Variants in ABHD2 observed in about 807,000 individuals in gnomAD.
ABHD2 encodes abhydrolase domain containing 2, acylglycerol lipase, also known as monoacylglycerol lipase ABHD2.
ABHD2 carries 20 observed loss-of-function variants against 48.1 expected under a neutral mutation model. The observed-to-expected ratio is 0.42, with a 90% CI of 0.29 to 0.60. The LOEUF (loss-of-function observed/expected upper bound fraction) is 0.60. Among genes scored for constraint, ABHD2 ranks in the 20% least tolerant of loss-of-function variants. The pLI, the probability that ABHD2 is intolerant of heterozygous loss-of-function variation, is 0.24. For missense variants in ABHD2, 405 were observed against 550.9 expected, an observed-to-expected ratio of 0.74 and a Z score of 2.65; for synonymous variants, 209 against 214.2, an observed-to-expected ratio of 0.98 and a Z score of 0.21.
At position 89,185,008 on chromosome 15, in the gene ABHD2, C is replaced by T. The variant is rs1026523635; in HGVS notation, c.723-416C>T. Among the ~76,000 whole-genome samples, 3 of 152,236 alleles carry T rather than the reference C, an allele frequency of 2.0e-5. No individual in the cohort carries two copies. Among genetic ancestry groups the T allele is most frequent in the Non-Finnish European group, 4.4e-5 (3 of 68,052 alleles). On this transcript the variant is annotated intron_variant, in intron 6 of 10. Transcript: ENST00000352732. This position sits in a 1 kb window ranked among gnomAD's most constrained non-coding sequence, Gnocchi z 5.9. ...TTTTTTAGGTTTTCCCCTCCACACCCACTCTCCCGTTCCATGTGCCAGTCA... is the reference window on the plus strand; with the variant it reads ...TTTTTTAGGTTTTCCCCTCCACACCTACTCTCCCGTTCCATGTGCCAGTCA...
At chr15:89,068,206 AC>A in the ABHD2 span, among the ~76,000 whole-genome samples, 1 of 151,914 alleles carries the variant, frequency 6.6e-6, no homozygotes, top group East Asian at 1.9e-4. Context: ...GCACACACAC[AC>A]ACACACACAC....
chr15:89,096,005 A>G (rs1164072497), intron 1 of ABHD2, among the ~76,000 whole-genome samples: 1 of 152,236 alleles, frequency 6.6e-6, no homozygotes, highest in African/African-American at 2.4e-5. Flanking sequence ...TTCGCGCAGA[A>G]AAGATATGAG....
chr15:89,176,093 C>A lies in ABHD2; in HGVS notation c.722+98C>A. 2 of 1,272,322 alleles carry A rather than the reference C, an allele frequency of 1.6e-6. No homozygotes were observed. Among genetic ancestry groups the A allele is most frequent in the Non-Finnish European group, 2.2e-6 (2 of 927,320 alleles). The allele number at this position is 1,272,322 out of a possible 1,614,324, so 78.8% of individuals were successfully genotyped here. A position where few individuals can be genotyped will look rare whatever the true frequency, so the allele number is the denominator to read the frequency against. ...ACTGTTCTGTGAAGACCGGGGAACA[C>A]TGTGGCCGACTGAGTAGAAGTTTCT... On this transcript the variant is annotated intron_variant, in intron 6 of 10. Coordinates refer to ENST00000352732, the MANE Select transcript of ABHD2 (RefSeq NM_152924.5). The surrounding 1 kb of genome is among the most constrained non-coding windows in gnomAD (Gnocchi z 4.5).
Position 89,168,840 on chromosome 15 carries a change from G to A in ABHD2, c.539-6972G>A, listed in dbSNP as rs930180010. ...TAATCTCAGCACTTTGGGAAAGGAA[G>A]CCAAGGTGGGCAGACCTCTTGAGCT... On this transcript the variant is annotated intron_variant, in intron 5 of 10. Coordinates refer to ENST00000352732, the MANE Select transcript of ABHD2 (RefSeq NM_152924.5). The surrounding 1 kb of genome is among the most constrained non-coding windows in gnomAD (Gnocchi z 4.8). Among the ~76,000 whole-genome samples, 2 of 152,202 alleles carry A rather than the reference G, an allele frequency of 1.3e-5. No homozygotes were observed. Among genetic ancestry groups the A allele is most frequent in the Admixed American group, 6.5e-5 (1 of 15,280 alleles).
chr15:89,068,962 T>G, the ABHD2 span, among the ~76,000 whole-genome samples: 1 of 151,070 alleles, frequency 6.6e-6, no homozygotes, highest in Admixed American at 6.6e-5. Flanking sequence ...AGAAATGGGG[T>G]TTCACCATAT....
chr15:89,190,450 C>A (rs1412841797), intron 8 of ABHD2, among the ~76,000 whole-genome samples: 1 of 152,022 alleles, frequency 6.6e-6, no homozygotes, highest in African/African-American at 2.4e-5. Context: ...GAATGACGGT[C>A]TCATTTCTGT....
intron 5 of ABHD2, among the ~76,000 whole-genome samples, chr15:89,172,106 T>C (rs2050939042): frequency 6.6e-6 from 1 of 152,194 alleles, no homozygotes; most frequent in Non-Finnish European, 1.5e-5. Flanking sequence ...CCCTAAATTT[T>C]AGATCAGCTA....
intron 3 of ABHD2, among the ~76,000 whole-genome samples, chr15:89,124,498 T>C (rs2050102410): frequency 6.6e-6 from 1 of 152,238 alleles, no homozygotes; most frequent in African/African-American, 2.4e-5. Flanking sequence ...AATTTCATTA[T>C]CTTTGACTTA....
chr15:89,148,200 T>C (rs569833256), intron 3 of ABHD2, among the ~76,000 whole-genome samples: 62 of 150,878 alleles, frequency 4.1e-4, no homozygotes, highest in African/African-American at 1.4e-3. Flanking sequence ...TAACATATGA[T>C]AGATAATGGC....
chr15:89,176,381 A>ATGAG lies in ABHD2; in HGVS notation c.722+387_722+388insGAGT, dbSNP rs1465491607. Among the ~76,000 whole-genome samples, 7 of 152,168 alleles carry ATGAG rather than the reference A, an allele frequency of 4.6e-5. No homozygotes were observed. Among genetic ancestry groups the ATGAG allele is most frequent in the Non-Finnish European group, 8.8e-5 (6 of 68,034 alleles). On this transcript the variant is annotated intron_variant, in intron 6 of 10. Coordinates refer to ENST00000352732, the MANE Select transcript of ABHD2 (RefSeq NM_152924.5). This position sits in a 1 kb window ranked among gnomAD's most constrained non-coding sequence, Gnocchi z 4.5. ...TGGGATCTGAAAGCTGGGCCTTGGG[A>ATGAG]TCCCAGATCCCTCCTTCCTGCAAGA... is the stretch of plus-strand genomic sequence containing the variant.
Position 89,092,719 on chromosome 15 carries a change from T to C in ABHD2, c.-107+4156T>C, listed in dbSNP as rs1901644667. Among the ~76,000 whole-genome samples the C allele has an allele frequency of 6.6e-6, 1 of 152,232 alleles. No homozygotes were observed. Among genetic ancestry groups the C allele is most frequent in the African/African-American group, 2.4e-5 (1 of 41,460 alleles). On this transcript the variant is annotated intron_variant, in intron 1 of 10. Transcript: ENST00000352732. This position sits in a 1 kb window ranked among gnomAD's most constrained non-coding sequence, Gnocchi z 4.4. Reference sequence around the variant, plus strand: ...AACATATTCTGTACACCACCCCTTTTTGCAGAAATGGTAGCACACTGCATA... The same window carrying C: ...AACATATTCTGTACACCACCCCTTTCTGCAGAAATGGTAGCACACTGCATA...
chr15:89,046,802 G>T, the ABHD2 span, among the ~76,000 whole-genome samples: 1 of 151,716 alleles, frequency 6.6e-6, no homozygotes, highest in Non-Finnish European at 1.5e-5. Context: ...TTTCTTATTA[G>T]TCTTGCTAGC....
intron 10 of ABHD2, 122 bp downstream of exon 10, chr15:89,193,441 A>C (rs1406193170): frequency 1.3e-6 from 1 of 787,746 alleles, no homozygotes; most frequent in Non-Finnish European, 2.2e-6. Flanking sequence ...ATCTCATAGC[A>C]GTCAGTGTTC....
At chr15:89,181,746 C>T (rs1477025992) in intron 6 of ABHD2, among the ~76,000 whole-genome samples, 1 of 152,230 alleles carries the variant, frequency 6.6e-6, no homozygotes, top group Admixed American at 6.5e-5. Flanking sequence ...TCGTTTTCAT[C>T]AGTACTTGGT....
intron 3 of ABHD2, among the ~76,000 whole-genome samples, chr15:89,143,729 A>T (rs1320259709): frequency 1.3e-5 from 2 of 152,152 alleles, no homozygotes; most frequent in African/African-American, 4.8e-5. Flanking sequence ...ATAGAGATGA[A>T]AATAGAGATA....
At chr15:89,113,345 G>A (rs924884849) in intron 1 of ABHD2, among the ~76,000 whole-genome samples, 3 of 152,202 alleles carry the variant, frequency 2.0e-5, no homozygotes, top group African/African-American at 7.2e-5. Flanking sequence ...TCGACTGGCT[G>A]TGCTGTCTCG....
intron 5 of ABHD2, among the ~76,000 whole-genome samples, chr15:89,161,427 G>T (rs2050760142): frequency 6.6e-6 from 1 of 151,864 alleles, no homozygotes; most frequent in Admixed American, 6.6e-5. Context: ...CTGAGACACT[G>T]TCTCACTCTG....
rs1224119641 is a variant in ABHD2, at chr15:89,176,960, G to T, written c.722+965G>T. Among the ~76,000 whole-genome samples, 1 of 152,146 alleles carries T rather than the reference G, an allele frequency of 6.6e-6. No individual in the cohort carries two copies. Among genetic ancestry groups the T allele is most frequent in the African/African-American group, 2.4e-5 (1 of 41,436 alleles). On this transcript the variant is annotated intron_variant, in intron 6 of 10. Coordinates refer to ENST00000352732, the MANE Select transcript of ABHD2 (RefSeq NM_152924.5). The surrounding 1 kb of genome is among the most constrained non-coding windows in gnomAD (Gnocchi z 4.5). ...CCTTGTTACTTTCTGATGGATAGAG[G>T]CCATCTATATTATTTCTAAAAATAC... is the stretch of plus-strand genomic sequence containing the variant.
the ABHD2 span, among the ~76,000 whole-genome samples, chr15:89,054,423 G>A: frequency 1.3e-5 from 2 of 152,100 alleles, no homozygotes; most frequent in Non-Finnish European, 2.9e-5. Flanking sequence ...GCTCACGCCT[G>A]TAATCCCGGC....
Sources: gnomAD v4.1 joint callset for allele counts (sites outside exome capture counted in the v4.1 genomes callset) on GRCh38, gnomAD v4.1.1 for gene constraint, Gnocchi (gnomAD v3.1) non-coding constraint, MANE v1.5 for transcripts, NCBI Gene and HGNC (gene_info 2026-07-23, HGNC 2026-07-21) for gene names.